Variants in SLC30A9 observed in about 807,000 individuals in gnomAD.
SLC30A9 encodes the protein proton-coupled zinc antiporter SLC30A9, mitochondrial.
A neutral mutation model predicts 87.5 loss-of-function variants in SLC30A9; 58 were observed. The ratio of observed to expected loss-of-function variants is 0.66; its 90% confidence interval spans 0.54 to 0.82. SLC30A9 has a LOEUF of 0.82. SLC30A9 is among the 40% of genes least tolerant of loss of function. The pLI is 0.00. For synonymous variants in SLC30A9, 234 were observed against 233.0 expected (o/e 1.00, Z -0.04); for missense variants, 557 against 679.1 (o/e 0.82, Z 2.00).
At chr4:42,085,215 C>G (rs7699756) in intron 17 of SLC30A9, among the ~76,000 whole-genome samples, 99,303 of 152,080 alleles carry the variant, frequency 0.65, 36,919 homozygotes, top group East Asian at 0.96. Context: ...TGCAGACCTA[C>G]CTTAGATATT....
At chr4:42,065,416 A>G (rs935633433) in intron 12 of SLC30A9, 67 bp downstream of exon 12, 2 of 886,372 alleles carry the variant, frequency 2.3e-6, no homozygotes, top group Non-Finnish European at 3.7e-6. Context: ...GTCCATTATT[A>G]TAGTTTGCTA....
chr4:42,042,787 C>T (rs760562383), intron 8 of SLC30A9, among the ~76,000 whole-genome samples: 1 of 152,170 alleles, frequency 6.6e-6, no homozygotes, highest in Non-Finnish European at 1.5e-5. Context: ...TGGGGAGATA[C>T]CTCCCAGCAG....
intron 1 of SLC30A9, among the ~76,000 whole-genome samples, chr4:41,997,945 G>A (rs143789339): frequency 5.0e-4 from 76 of 152,342 alleles, no homozygotes; most frequent in Non-Finnish European, 6.9e-4. Context: ...GAAATTAGCC[G>A]GAAATAAACT....
intron 15 of SLC30A9, among the ~76,000 whole-genome samples, chr4:42,074,898 A>G (rs1259650409): frequency 6.6e-6 from 1 of 151,250 alleles, no homozygotes; most frequent in Non-Finnish European, 1.5e-5. Context: ...AATATACTCT[A>G]CAACACCATT....
intron 1 of SLC30A9, among the ~76,000 whole-genome samples, chr4:41,991,613 A>G (rs1159161979): frequency 1.3e-5 from 2 of 152,110 alleles, no homozygotes; most frequent in Non-Finnish European, 2.9e-5. Context: ...TGCAGAGAGT[A>G]TTTACCGAAA....
intron 8 of SLC30A9, 103 bp from the exon 9 acceptor site, chr4:42,049,274 C>A: frequency 1.6e-6 from 1 of 611,286 alleles, no homozygotes; most frequent in Non-Finnish European, 2.9e-6. Context: ...CCTAATTTTA[C>A]TTTCAACAGA....
intron 15 of SLC30A9, among the ~76,000 whole-genome samples, chr4:42,073,818 C>T (rs536792998): frequency 7.9e-5 from 12 of 152,316 alleles, no homozygotes; most frequent in Admixed American, 5.2e-4. Flanking sequence ...GACATCTCAT[C>T]ACTTTGCCAT....
chr4:42,078,239 G>T lies in SLC30A9; in HGVS notation c.1576G>T (p.Glu526Ter). ...AATTCAAGAAGTGAAAACTCCTGAA[G>T]AACTAGAGACCTTTATGCTTAAACA... ...QEIQEVKTPE[E>*]LETFMLKHGE... The change falls in exon 17 of 18, where the codon GAA becomes TAA. Residue 526 changes from glutamate (E) to a stop codon, truncating the protein, a stop_gained. Transcript: ENST00000264451. LOFTEE classifies it high-confidence loss of function. The T allele has an allele frequency of 6.4e-7, 1 of 1,555,380 alleles. No homozygotes were observed. The highest frequency in any genetic ancestry group is 8.7e-7 in the Non-Finnish European group (1 of 1,145,570).
At chr4:42,056,991 C>A (rs895567298) in intron 9 of SLC30A9, among the ~76,000 whole-genome samples, 1 of 152,226 alleles carries the variant, frequency 6.6e-6, no homozygotes, top group African/African-American at 2.4e-5. Context: ...TCTCCTTTCG[C>A]TCCATGTCTC....
In SLC30A9 at chr4:42,086,842, A is replaced by G. The variant is rs569157041; in HGVS notation, c.*716A>G. ...TCCCCTTATTTGGTTTAATTTTTCT[A>G]ATGTTAGGAGATATAGTCCTAGATA... On this transcript the variant is annotated 3_prime_UTR_variant, in exon 18 of 18. Coordinates refer to ENST00000264451, the MANE Select transcript of SLC30A9 (RefSeq NM_006345.4). 24 of 152,458 alleles carry G rather than the reference A, an allele frequency of 1.6e-4. 1 individual carries two copies. The highest frequency in any genetic ancestry group is 5.1e-4 in the African/African-American group (21 of 41,492). The allele number at this position is 152,458 out of a possible 1,614,324, so 9.4% of individuals were successfully genotyped here. A position where few individuals can be genotyped will look rare whatever the true frequency, so the allele number is the denominator to read the frequency against.
intron 2 of SLC30A9, among the ~76,000 whole-genome samples, chr4:42,009,893 C>G (rs1485805001): frequency 1.3e-5 from 2 of 152,190 alleles, no homozygotes; most frequent in African/African-American, 4.8e-5. Flanking sequence ...TATTATTCCA[C>G]CTTTTTCCCT....
In SLC30A9 at chr4:42,062,924, A is replaced by G. The variant is rs974154860; in HGVS notation, c.897-62A>G. ...AGTCTTTTTCATTGACCTATTAAGC[A>G]CATATATTTTAAAAGAAACCATTTG... On this transcript the variant is annotated intron_variant, in intron 10 of 17. Transcript: ENST00000264451. 3.4e-5 allele frequency: 48 copies of G among 1,404,026 alleles called. No homozygotes were observed. In the Admixed American group the frequency reaches 8.6e-4, roughly 25 times the overall value. 87.0% of individuals were successfully genotyped at this position (1,404,026 alleles called of 1,614,324 possible). A position where few individuals can be genotyped will look rare whatever the true frequency, so the allele number is the denominator to read the frequency against.
chr4:42,045,909 G>A (rs1462194254), intron 8 of SLC30A9, among the ~76,000 whole-genome samples: 2 of 152,112 alleles, frequency 1.3e-5, no homozygotes, highest in African/African-American at 4.8e-5. Flanking sequence ...ATGCAAGGCT[G>A]GTTCAACATA....
intron 1 of SLC30A9, among the ~76,000 whole-genome samples, chr4:41,995,805 G>A (rs1046804245): frequency 3.3e-5 from 5 of 152,326 alleles, no homozygotes; most frequent in African/African-American, 1.2e-4. Context: ...GACTTCCTGG[G>A]CTCCAGTGAT....
chr4:42,037,086 G>GT (rs1716705125), intron 7 of SLC30A9, among the ~76,000 whole-genome samples: 3 of 151,664 alleles, frequency 2.0e-5, no homozygotes, highest in African/African-American at 7.3e-5. Flanking sequence ...CTATTACAAC[G>GT]TTTTTTTGCT....
intron 6 of SLC30A9, chr4:42,029,319 A>G (rs1383242368): frequency 7.7e-6 from 4 of 521,692 alleles, no homozygotes; most frequent in South Asian, 3.1e-5. Context: ...AGATCATTCT[A>G]TTCTACATAA....
chr4:42,083,601 GC>G (rs1718815140), intron 17 of SLC30A9, among the ~76,000 whole-genome samples: 1 of 151,974 alleles, frequency 6.6e-6, no homozygotes, highest in South Asian at 2.1e-4. Flanking sequence ...AAATTTTTAG[GC>G]TTTTTTTTAA....
intron 4 of SLC30A9, among the ~76,000 whole-genome samples, chr4:42,022,244 C>CT (rs113214269): frequency 0.012 from 1,529 of 128,540 alleles, 35 homozygotes; most frequent in African/African-American, 0.04. Flanking sequence ...TTATTTTTCA[C>CT]TTTTTTTTTT....
chr4:42,067,535 T>C (rs1467272926), intron 14 of SLC30A9, among the ~76,000 whole-genome samples: 1 of 152,230 alleles, frequency 6.6e-6, no homozygotes, highest in Non-Finnish European at 1.5e-5. Context: ...ACCTCTTAGG[T>C]TTATTAAGAA....
Sources: gnomAD v4.1 joint callset for allele counts (sites outside exome capture counted in the v4.1 genomes callset) on GRCh38, gnomAD v4.1.1 for gene constraint, MANE v1.5 for transcripts, NCBI Gene and HGNC (gene_info 2026-07-23, HGNC 2026-07-21) for gene names.